The following HEMK2 variants were observed in gnomAD, a reference collection of about 807,000 sequenced individuals.
HEMK2 encodes the protein methyltransferase HEMK2.
chr21:28,672,625 C>A, the HEMK2 span, among the ~76,000 whole-genome samples: 12 of 152,200 alleles, frequency 7.9e-5, no homozygotes, highest in Middle Eastern at 3.4e-3. Context: ...AACCAGTGTA[C>A]ACCCCTCCTT....
At chr21:28,673,858 G>C in the HEMK2 span, among the ~76,000 whole-genome samples, 1 of 151,286 alleles carries the variant, frequency 6.6e-6, no homozygotes, top group Non-Finnish European at 1.5e-5. Context: ...TTCAAGGTTT[G>C]AGGACAAAAC....
At chr21:28,768,108 C>T in the HEMK2 span, among the ~76,000 whole-genome samples, 2 of 152,070 alleles carry the variant, frequency 1.3e-5, no homozygotes, top group African/African-American at 4.8e-5. Flanking sequence ...AGGCTGAGAT[C>T]TCTCACAGCT....
At chr21:28,637,065 G>C in the HEMK2 span, among the ~76,000 whole-genome samples, 388 of 152,288 alleles carry the variant, frequency 2.5e-3, 2 homozygotes, top group African/African-American at 8.6e-3. Context: ...GCTCAGAGTC[G>C]ACTGGGTAGT....
the HEMK2 span, among the ~76,000 whole-genome samples, chr21:28,769,963 C>T: frequency 6.6e-6 from 1 of 152,104 alleles, no homozygotes; most frequent in Admixed American, 6.6e-5. Context: ...CATCATAATT[C>T]AATTTGAATG....
the HEMK2 span, among the ~76,000 whole-genome samples, chr21:28,850,475 C>T: frequency 2.0e-5 from 3 of 152,194 alleles, no homozygotes; most frequent in South Asian, 2.1e-4. Flanking sequence ...CCGCCTGCCT[C>T]GGCCTCCCAA....
At chr21:28,721,637 A>T in the HEMK2 span, among the ~76,000 whole-genome samples, 1 of 152,074 alleles carries the variant, frequency 6.6e-6, no homozygotes, top group African/African-American at 2.4e-5. Context: ...GAAAATAGTG[A>T]ACTAGACCAC....
At chr21:28,717,147 G>A in the HEMK2 span, among the ~76,000 whole-genome samples, 1 of 152,132 alleles carries the variant, frequency 6.6e-6, no homozygotes, top group Admixed American at 6.5e-5. Context: ...TGAGGGAGGA[G>A]TCCCTCCTCC....
At chr21:28,841,258 A>AT in the HEMK2 span, among the ~76,000 whole-genome samples, 5 of 6,046 alleles carry the variant, frequency 8.3e-4, no homozygotes, top group African/African-American at 2.9e-3. Flanking sequence ...AATATATTAT[A>AT]TATAATATAT....
the HEMK2 span, among the ~76,000 whole-genome samples, chr21:28,771,405 A>T: frequency 6.6e-6 from 1 of 152,056 alleles, no homozygotes; most frequent in Non-Finnish European, 1.5e-5. Context: ...ACCAGGAGAC[A>T]TTTGGTAATG....
the HEMK2 span, among the ~76,000 whole-genome samples, chr21:28,758,461 A>G: frequency 2.9e-4 from 44 of 152,304 alleles, no homozygotes; most frequent in South Asian, 1.7e-3. Flanking sequence ...ACACTAACTC[A>G]TCCATCGCAG....
the HEMK2 span, among the ~76,000 whole-genome samples, chr21:28,854,320 A>C: frequency 6.6e-6 from 1 of 152,180 alleles, no homozygotes; most frequent in Non-Finnish European, 1.5e-5. Flanking sequence ...CACTATTAGA[A>C]GTAGAGTCCT....
At chr21:28,579,091 C>T in the HEMK2 span, among the ~76,000 whole-genome samples, 1 of 152,076 alleles carries the variant, frequency 6.6e-6, no homozygotes, top group Non-Finnish European at 1.5e-5. Context: ...TATTTGTGAA[C>T]TCGGTAGGGG....
the HEMK2 span, among the ~76,000 whole-genome samples, chr21:28,789,081 G>A: frequency 6.6e-6 from 1 of 151,996 alleles, no homozygotes; most frequent in Admixed American, 6.6e-5. Context: ...CTGACCTGCA[G>A]AATTGTGAGA....
the HEMK2 span, among the ~76,000 whole-genome samples, chr21:28,787,379 A>G: frequency 6.6e-6 from 1 of 152,226 alleles, no homozygotes; most frequent in Non-Finnish European, 1.5e-5. Context: ...TAATTAAACT[A>G]AAGAGCTTTT....
chr21:28,623,100 T>C, the HEMK2 span, among the ~76,000 whole-genome samples: 2 of 151,658 alleles, frequency 1.3e-5, no homozygotes, highest in Non-Finnish European at 2.9e-5. Context: ...CAAAAGGCCT[T>C]GTAGATCCTT....
the HEMK2 span, among the ~76,000 whole-genome samples, chr21:28,778,160 G>T: frequency 6.6e-6 from 1 of 152,090 alleles, no homozygotes. Flanking sequence ...GCAACTATTA[G>T]GCTATCCTCC....
chr21:28,667,578 ACATTGCAT>A, the HEMK2 span, among the ~76,000 whole-genome samples: 34,449 of 151,752 alleles, frequency 0.23, 4,364 homozygotes, highest in East Asian at 0.38. Context: ...TGATTATTTC[ACATTGCAT>A]CATTGCATGC....
chr21:28,816,046 C>G, the HEMK2 span, among the ~76,000 whole-genome samples: 2 of 152,050 alleles, frequency 1.3e-5, no homozygotes, highest in African/African-American at 4.8e-5. Context: ...AAGTGCACAC[C>G]CAGAGGGAAG....
the HEMK2 span, among the ~76,000 whole-genome samples, chr21:28,768,157 A>C: frequency 1.3e-5 from 2 of 152,094 alleles, no homozygotes; most frequent in African/African-American, 2.4e-5. Context: ...TCCTCTGCCC[A>C]AACAGGATGC....
Sources: allele counts gnomAD v4.1 joint callset (sites outside exome capture counted in the v4.1 genomes callset), GRCh38; gene constraint gnomAD v4.1.1; transcripts MANE v1.5; gene names NCBI Gene and HGNC (gene_info 2026-07-23, HGNC 2026-07-21).